SLC22A12: variants seen among roughly 807,000 people sequenced by gnomAD.
SLC22A12 encodes organic anion transporter 4-like protein.
A neutral mutation model predicts 52.7 loss-of-function variants in SLC22A12; 56 were observed. That is an observed-to-expected ratio of 1.06 (90% CI 0.86 to 1.33). The LOEUF (loss-of-function observed/expected upper bound fraction) is 1.33. Ranked by LOEUF, SLC22A12 falls within the 40% of genes most tolerant of loss-of-function variation. The pLI is 0.00. For missense variants in SLC22A12, 683 were observed against 741.5 expected (o/e 0.92, Z 0.92); for synonymous variants, 337 against 324.6 (o/e 1.04, Z -0.41).
chr11:64,600,231 G>T, intron 7 of SLC22A12, 136 bp from the exon 8 acceptor site: 1 of 787,810 alleles, frequency 1.3e-6, no homozygotes, highest in Non-Finnish European at 2.2e-6. Context: ...ACTCAGGACA[G>T]GATACCCAGA....
chr11:64,593,988 G>C (rs1212900610), intron 4 of SLC22A12, among the ~76,000 whole-genome samples, 185 bp downstream of exon 4: 1 of 152,144 alleles, frequency 6.6e-6, no homozygotes, highest in Non-Finnish European at 1.5e-5. Flanking sequence ...ACTTCAACCA[G>C]GGCTTGGGTC....
chr11:64,595,922 AGATGGATGGATGGATGGATG>A (rs200030094), intron 4 of SLC22A12, among the ~76,000 whole-genome samples: 43,864 of 92,838 alleles, frequency 0.47, 9,620 homozygotes, highest in Non-Finnish European at 0.59. Flanking sequence ...TGGTTGGAAA[AGATGGATGGATGGATGGATG>A]GATGGATGGA....
intron 4 of SLC22A12, among the ~76,000 whole-genome samples, chr11:64,595,120 G>GA (rs2039087242): frequency 7.4e-6 from 1 of 135,734 alleles, no homozygotes; most frequent in Non-Finnish European, 1.6e-5. Context: ...TGGATGGATG[G>GA]ATGGATGGAT....
At chr11:64,595,732 G>A (rs909482961) in intron 4 of SLC22A12, among the ~76,000 whole-genome samples, 8 of 149,098 alleles carry the variant, frequency 5.4e-5, no homozygotes, top group East Asian at 2.1e-4. Context: ...TGGAATAGAC[G>A]GATGGATGGA....
intron 4 of SLC22A12, among the ~76,000 whole-genome samples, chr11:64,594,745 T>G (rs11231826): frequency 2.5e-5 from 3 of 118,214 alleles, no homozygotes; most frequent in South Asian, 5.7e-4. Flanking sequence ...GGACGGACGG[T>G]TGGATGGATG....
At chr11:64,599,040 C>T (rs1294222893) in intron 6 of SLC22A12, 117 bp downstream of exon 6, 2 of 1,399,906 alleles carry the variant, frequency 1.4e-6, no homozygotes, top group Non-Finnish European at 2.0e-6. Context: ...GCAACACCGA[C>T]ACCTTCCCCT....
intron 4 of SLC22A12, 98 bp from the exon 5 acceptor site, chr11:64,598,418 G>T: frequency 6.6e-7 from 1 of 1,522,270 alleles, no homozygotes; most frequent in Non-Finnish European, 8.9e-7. Context: ...TAAGCCTTGG[G>T]CCTGGAGCAG....
In SLC22A12 at chr11:64,601,485, C is replaced by T. The variant is rs746332394; in HGVS notation, c.1599-3C>T. On this transcript the variant is annotated splice_region_variant and splice_polypyrimidine_tract_variant and intron_variant, in intron 9 of 9. Coordinates refer to ENST00000377574, the MANE Select transcript of SLC22A12 (RefSeq NM_144585.4). ...GACACACCCCCGTGTGCTTCCTGAA[C>T]AGGGCAGTAAAGAAGGCAACACATG... 3 of 1,612,944 alleles carry T rather than the reference C, an allele frequency of 1.9e-6. No homozygotes were observed. Among genetic ancestry groups the T allele is most frequent in the Non-Finnish European group, 1.7e-6 (2 of 1,179,802 alleles).
chr11:64,600,616 C>T, intron 8 of SLC22A12, 119 bp from the exon 9 acceptor site: 1 of 1,473,362 alleles, frequency 6.8e-7, no homozygotes, highest in Non-Finnish European at 9.3e-7. Flanking sequence ...TGCTCAGGTG[C>T]ATCCCAAGCC....
Position 64,601,605 on chromosome 11 carries a change from C to G in SLC22A12, c.*54C>G. On this transcript the variant is annotated 3_prime_UTR_variant, in exon 10 of 10. Coordinates refer to ENST00000377574, the MANE Select transcript of SLC22A12 (RefSeq NM_144585.4). Reference sequence around the variant, plus strand: ...CAGAGGAAGAGACTTCTTCTGTTCTCTGGAGAAGGCAGGAGGAAAGCAAAG... The same window carrying G: ...CAGAGGAAGAGACTTCTTCTGTTCTGTGGAGAAGGCAGGAGGAAAGCAAAG... The G allele has an allele frequency of 6.3e-7, 1 of 1,592,338 alleles. No individual in the cohort carries two copies. The highest frequency in any genetic ancestry group is 1.7e-5 in the Admixed American group (1 of 59,334).
intron 5 of SLC22A12, 44 bp from the exon 6 acceptor site, chr11:64,598,764 C>T (rs377625307): frequency 7.5e-5 from 120 of 1,610,504 alleles, no homozygotes; most frequent in Non-Finnish European, 9.5e-5. Flanking sequence ...GGAGGAGGTG[C>T]CTGGCGCCCC....
intron 6 of SLC22A12, among the ~76,000 whole-genome samples, chr11:64,599,439 C>T (rs1406400998): frequency 6.6e-6 from 1 of 152,178 alleles, no homozygotes; most frequent in Non-Finnish European, 1.5e-5. Context: ...CTCCTCCAAC[C>T]TCTTGCCAGC....
intron 4 of SLC22A12, among the ~76,000 whole-genome samples, chr11:64,595,429 T>G (rs2039131951): frequency 7.6e-6 from 1 of 131,798 alleles, no homozygotes; most frequent in African/African-American, 2.9e-5. Context: ...TTGGAATAGA[T>G]GGATGGATGG....
Position 64,601,999 on chromosome 11 carries a change from T to C in SLC22A12, c.*448T>C. On this transcript the variant is annotated 3_prime_UTR_variant, in exon 10 of 10. Transcript: ENST00000377574. ...CAGTAGAGTCTCAGCTCCACAGCTT[T>C]ACCCAGAAGCCCTGTAAGCCTGGCC... 1 of 280,382 alleles carries C rather than the reference T, an allele frequency of 3.6e-6. No homozygotes were observed. The highest frequency in any genetic ancestry group is 2.2e-5 in the African/African-American group (1 of 45,820). The allele number at this position is 280,382 out of a possible 1,614,324, so 17.4% of individuals were successfully genotyped here.
chr11:64,601,092 G>A, intron 9 of SLC22A12, 154 bp downstream of exon 9: 1 of 1,046,670 alleles, frequency 9.6e-7, no homozygotes, highest in Admixed American at 2.0e-5. Flanking sequence ...ATCTCTGGGA[G>A]AGTGGCAACC....
chr11:64,600,963 AC>A, intron 9 of SLC22A12, 25 bp downstream of exon 9: 4 of 1,602,460 alleles, frequency 2.5e-6, no homozygotes, highest in African/African-American at 1.3e-5. Flanking sequence ...CCTCGGGACC[AC>A]CCCTCCCTCC....
At chr11:64,597,098 A>G (rs1317622394) in intron 4 of SLC22A12, among the ~76,000 whole-genome samples, 4 of 152,156 alleles carry the variant, frequency 2.6e-5, no homozygotes, top group Non-Finnish European at 4.4e-5. Flanking sequence ...AACCTGGGGT[A>G]TTGACATCTG....
In SLC22A12 at chr11:64,598,934, T is replaced by C; in HGVS notation, c.1070+11T>C. On this transcript the variant is annotated intron_variant, in intron 6 of 9. Transcript: ENST00000377574. ...CTCCACGTTGTGCTGGTAGATGCCC[T>C]TCCCCCAACCCCACCTCCACAGGGG... The C allele has an allele frequency of 1.9e-6, 3 of 1,612,204 alleles. No homozygotes were observed. Among genetic ancestry groups the C allele is most frequent in the Non-Finnish European group, 2.5e-6 (3 of 1,179,822 alleles).
chr11:64,600,011 C>T (rs1024269937), intron 7 of SLC22A12, 121 bp downstream of exon 7: 118 of 1,258,510 alleles, frequency 9.4e-5, no homozygotes, highest in Non-Finnish European at 1.3e-4. Context: ...AGGAGGCTGC[C>T]GGAGCCGTCT....
Sources: gnomAD v4.1 joint callset for allele counts (sites outside exome capture counted in the v4.1 genomes callset) on GRCh38, gnomAD v4.1.1 for gene constraint, MANE v1.5 for transcripts, NCBI Gene and HGNC (gene_info 2026-07-23, HGNC 2026-07-21) for gene names.